Variants in CNTNAP2 observed in about 807,000 individuals in gnomAD.
The protein encoded by CNTNAP2 is contactin associated protein 2.
Under a neutral mutation model 155.2 loss-of-function variants are expected in CNTNAP2, and 98 were observed. The observed-to-expected ratio is 0.63, with a 90% CI of 0.54 to 0.75. The LOEUF is 0.75. Among genes scored for constraint, CNTNAP2 ranks in the 30% least tolerant of loss-of-function variants. The pLI is 0.00. For synonymous variants in CNTNAP2, 651 were observed against 631.2 expected (o/e 1.03, Z -0.47); for missense variants, 1,727 against 1,688.1 (o/e 1.02, Z -0.40).
chr7:148,181,957 C>T (rs1585172574), intron 18 of CNTNAP2, among the ~76,000 whole-genome samples: 1 of 151,616 alleles, frequency 6.6e-6, no homozygotes, highest in African/African-American at 2.4e-5. Context: ...CGGGGTTTCA[C>T]CATGTTGGCC....
chr7:146,139,545 C>A (rs1183322493), intron 1 of CNTNAP2, among the ~76,000 whole-genome samples: 1 of 152,136 alleles, frequency 6.6e-6, no homozygotes, highest in Non-Finnish European at 1.5e-5. Flanking sequence ...TCCATTTGAA[C>A]AAAACTCTGC....
At chr7:147,533,428 G>T (rs561757652) in intron 11 of CNTNAP2, among the ~76,000 whole-genome samples, 1 of 151,914 alleles carries the variant, frequency 6.6e-6, no homozygotes, top group Non-Finnish European at 1.5e-5. Context: ...AAAATGAGTA[G>T]GAAGAAAGAG....
chr7:147,986,878 TGTG>T, intron 15 of CNTNAP2, among the ~76,000 whole-genome samples: 1 of 80,766 alleles, frequency 1.2e-5, no homozygotes, highest in Non-Finnish European at 2.1e-5. Context: ...TTTGTTTGTG[TGTG>T]TGTGTGTGTG....
chr7:148,270,720 A>G (rs1489146221), intron 21 of CNTNAP2, among the ~76,000 whole-genome samples: 6 of 152,254 alleles, frequency 3.9e-5, no homozygotes, highest in Non-Finnish European at 2.9e-5. Flanking sequence ...ATCCTCACAT[A>G]TCTCACAGCC....
At chr7:147,215,674 A>C (rs142019624) in intron 8 of CNTNAP2, among the ~76,000 whole-genome samples, 66 of 152,330 alleles carry the variant, frequency 4.3e-4, no homozygotes, top group African/African-American at 1.5e-3. Context: ...TTATGTGTGA[A>C]CATATGTTTT....
chr7:148,398,011 G>A (rs1266862409), intron 22 of CNTNAP2, among the ~76,000 whole-genome samples: 1 of 152,202 alleles, frequency 6.6e-6, no homozygotes. Context: ...ATTGTCTTGG[G>A]ATTGGAATTA....
In CNTNAP2 at chr7:147,818,370, A is replaced by G. The variant is rs1166461528; in HGVS notation, c.2099-85195A>G. On this transcript the variant is annotated intron_variant, in intron 13 of 23. Coordinates refer to ENST00000361727, the MANE Select transcript of CNTNAP2 (RefSeq NM_014141.6). ...TATATGAAATTTTACCCTACTCCAT[A>G]ATTTGCAGAAGCTAATAGTGTACTA... Among the ~76,000 whole-genome samples, 6 of 152,330 alleles carry G rather than the reference A, an allele frequency of 3.9e-5. No homozygotes were observed. In the South Asian group the frequency reaches 1.0e-3, roughly 26 times the overall value.
chr7:147,062,249 G>T (rs760148382), intron 4 of CNTNAP2, among the ~76,000 whole-genome samples: 1 of 136,928 alleles, frequency 7.3e-6, no homozygotes, highest in South Asian at 2.3e-4. Context: ...CATTAAAAAA[G>T]CAGTGTAATA....
intron 13 of CNTNAP2, among the ~76,000 whole-genome samples, chr7:147,700,750 T>G (rs540684318): frequency 6.6e-6 from 1 of 152,318 alleles, no homozygotes; most frequent in Non-Finnish European, 1.5e-5. Flanking sequence ...AAGAGTGGTG[T>G]GAAACCAGTG....
intron 2 of CNTNAP2, among the ~76,000 whole-genome samples, chr7:146,820,235 G>C (rs765994514): frequency 1.9e-4 from 29 of 152,076 alleles, no homozygotes; most frequent in Non-Finnish European, 3.1e-4. Context: ...TTCATTTATA[G>C]CTTCAAGTAG....
intron 4 of CNTNAP2, among the ~76,000 whole-genome samples, chr7:147,100,642 T>C (rs537313817): frequency 6.6e-6 from 1 of 152,330 alleles, no homozygotes; most frequent in African/African-American, 2.4e-5. Context: ...ACACTCATAG[T>C]TGTAAGAGTT....
At chr7:147,887,680 AG>A (rs1480417824) in intron 13 of CNTNAP2, among the ~76,000 whole-genome samples, 3 of 152,104 alleles carry the variant, frequency 2.0e-5, no homozygotes, top group Non-Finnish European at 4.4e-5. Context: ...ATGAGGAAGA[AG>A]GGTCCATGCC....
At chr7:147,208,137 G>T (rs746531714) in intron 8 of CNTNAP2, among the ~76,000 whole-genome samples, 1 of 151,970 alleles carries the variant, frequency 6.6e-6, no homozygotes, top group African/African-American at 2.4e-5. Flanking sequence ...GTTTGAGAAG[G>T]TATTTTAATA....
chr7:147,198,601 G>A (rs892518780), intron 8 of CNTNAP2, among the ~76,000 whole-genome samples: 4 of 152,010 alleles, frequency 2.6e-5, no homozygotes, highest in South Asian at 2.1e-4. Flanking sequence ...TGCAATTTGC[G>A]GATTTTACCA....
chr7:146,797,275 C>A (rs989772002), intron 2 of CNTNAP2, among the ~76,000 whole-genome samples: 4 of 152,228 alleles, frequency 2.6e-5, no homozygotes, highest in Middle Eastern at 3.4e-3. Context: ...TCTGAACAGA[C>A]AAATTGGCAT....
chr7:147,219,463 G>A (rs576181506), intron 8 of CNTNAP2, among the ~76,000 whole-genome samples: 73 of 152,188 alleles, frequency 4.8e-4, no homozygotes, highest in South Asian at 2.1e-3. Flanking sequence ...ATGTTCCGAG[G>A]GCAAGAAGCA....
At position 146,542,052 on chromosome 7, in the gene CNTNAP2, G is replaced by T. The variant is rs145827216; in HGVS notation, c.98-232219G>T. Among the ~76,000 whole-genome samples the T allele has an allele frequency of 4.5e-4, 69 of 152,010 alleles. No individual in the cohort carries two copies. The East Asian group carries it at 5.4e-3, about 12-fold the overall frequency. On this transcript the variant is annotated intron_variant, in intron 1 of 23. Transcript: ENST00000361727. ...GGAAACTCAAGTCCTTAAAAATGAGGTGAAGTGTGTCTACCACAAAGTGTC... is the reference window on the plus strand; with the variant it reads ...GGAAACTCAAGTCCTTAAAAATGAGTTGAAGTGTGTCTACCACAAAGTGTC...
intron 1 of CNTNAP2, among the ~76,000 whole-genome samples, chr7:146,184,902 A>G (rs556551147): frequency 6.6e-6 from 1 of 152,122 alleles, no homozygotes; most frequent in Non-Finnish European, 1.5e-5. Context: ...GTGCTACATT[A>G]TTTTCTATTT....
At chr7:146,286,112 C>T (rs1296947031) in intron 1 of CNTNAP2, among the ~76,000 whole-genome samples, 1 of 143,042 alleles carries the variant, frequency 7.0e-6, no homozygotes, top group Admixed American at 7.2e-5. Context: ...CATGGGCAAT[C>T]GAATTTCTTA....
Sources: allele counts gnomAD v4.1 joint callset (sites outside exome capture counted in the v4.1 genomes callset), GRCh38; gene constraint gnomAD v4.1.1; transcripts MANE v1.5; gene names NCBI Gene and HGNC (gene_info 2026-07-23, HGNC 2026-07-21).